Variants in PUDP observed in about 807,000 individuals in gnomAD.
PUDP encodes pseudouridine 5'-phosphatase.
Under a neutral mutation model 9.4 loss-of-function variants are expected in PUDP, and 8 were observed. That is an observed-to-expected ratio of 0.85 (90% CI 0.50 to 1.53). The LOEUF (loss-of-function observed/expected upper bound fraction) is 1.53. Among genes scored for constraint, PUDP ranks in the 40% most tolerant of loss-of-function variants. PUDP has a pLI of 0.00. For synonymous variants in PUDP, 99 were observed against 80.7 expected (o/e 1.23, Z -1.22); for missense variants, 188 against 189.7 (o/e 0.99, Z 0.05).
At chrX:6,985,035 T>G (rs1254430916) in intron 1 of PUDP, among the ~76,000 whole-genome samples, 1 of 111,812 alleles carries the variant, frequency 8.9e-6, no homozygotes. Flanking sequence ...TCAGAAATCG[T>G]TCTACAGCCC....
chrX:6,908,426 G>T (rs1440378353), intron 3 of PUDP, among the ~76,000 whole-genome samples: 1 of 112,052 alleles, frequency 8.9e-6, no homozygotes, highest in Non-Finnish European at 1.9e-5. Flanking sequence ...CTCACTGAAA[G>T]TTGTAATACT....
At chrX:6,990,561 C>T (rs1929162748) in intron 1 of PUDP, among the ~76,000 whole-genome samples, 1 of 112,405 alleles carries the variant, frequency 8.9e-6, no homozygotes, top group African/African-American at 3.2e-5. Flanking sequence ...TTTGGCTGGA[C>T]TCTTCTTCCA....
chrX:6,944,464 A>G (rs947285657), intron 3 of PUDP, among the ~76,000 whole-genome samples: 1 of 109,646 alleles, frequency 9.1e-6, no homozygotes, highest in Non-Finnish European at 1.9e-5. Flanking sequence ...GAGATACATC[A>G]GGGACCCCTC....
At chrX:6,847,881 G>A (rs899932928) in intron 3 of PUDP, among the ~76,000 whole-genome samples, 2 of 111,567 alleles carry the variant, frequency 1.8e-5, no homozygotes, top group African/African-American at 6.5e-5. Flanking sequence ...AGTAGTGATT[G>A]GGTCAAAGAA....
intron 3 of PUDP, among the ~76,000 whole-genome samples, chrX:7,056,081 G>A (rs1930234586): frequency 8.9e-6 from 1 of 111,892 alleles, no homozygotes; most frequent in Non-Finnish European, 1.9e-5. Context: ...AATTACACTT[G>A]ACCTAAAACT....
At chrX:6,876,530 A>G (rs1166613851) in intron 3 of PUDP, among the ~76,000 whole-genome samples, 1 of 110,474 alleles carries the variant, frequency 9.1e-6, no homozygotes, top group East Asian at 2.9e-4. Context: ...ACATATATAT[A>G]CACACATATA....
intron 1 of PUDP, among the ~76,000 whole-genome samples, chrX:7,144,599 A>T (rs1212253246): frequency 9.0e-6 from 1 of 110,905 alleles, no homozygotes; most frequent in Non-Finnish European, 1.9e-5. Context: ...ACAGTGAGGC[A>T]GGCACTTATA....
chrX:6,836,980 G>A (rs1402839318), intron 3 of PUDP, among the ~76,000 whole-genome samples: 1 of 112,348 alleles, frequency 8.9e-6, no homozygotes, highest in African/African-American at 3.2e-5. Flanking sequence ...TAGTGGGGTA[G>A]TATGCATTGG....
intron 1 of PUDP, among the ~76,000 whole-genome samples, chrX:7,027,453 CAT>C (rs1929726899): frequency 9.5e-6 from 1 of 105,271 alleles, no homozygotes; most frequent in African/African-American, 3.4e-5. Flanking sequence ...AGCAGGAATA[CAT>C]ATATATGTGT....
chrX:6,878,026 GA>G (rs1927291476), intron 3 of PUDP, among the ~76,000 whole-genome samples: 1 of 111,837 alleles, frequency 8.9e-6, no homozygotes, highest in Non-Finnish European at 1.9e-5. Context: ...TTCTTGCAGG[GA>G]AAAAAGACAT....
intron 3 of PUDP, among the ~76,000 whole-genome samples, chrX:6,935,167 C>A (rs1328754442): frequency 4.7e-5 from 5 of 106,333 alleles, no homozygotes; most frequent in Non-Finnish European, 9.7e-5. Context: ...CACCCCAAAT[C>A]AACAGAATAT....
At chrX:7,066,870 C>A (rs1436216677) in intron 3 of PUDP, among the ~76,000 whole-genome samples, 1 of 112,198 alleles carries the variant, frequency 8.9e-6, no homozygotes, top group Non-Finnish European at 1.9e-5. Context: ...CAATCACACA[C>A]ACATAAACAC....
intron 3 of PUDP, among the ~76,000 whole-genome samples, chrX:6,843,448 T>C (rs1244917354): frequency 9.0e-6 from 1 of 111,036 alleles, no homozygotes; most frequent in Non-Finnish European, 1.9e-5. Context: ...AAATATCCTA[T>C]AAAAAAAGAA....
At chrX:6,742,711 G>T (rs908829404) in intron 3 of PUDP, among the ~76,000 whole-genome samples, 1 of 111,834 alleles carries the variant, frequency 8.9e-6, no homozygotes, top group Non-Finnish European at 1.9e-5. Flanking sequence ...GGCGTTCAAG[G>T]CTGCAGTGAA....
chrX:7,093,274 G>A (rs780529827), intron 2 of PUDP, among the ~76,000 whole-genome samples: 1 of 111,696 alleles, frequency 9.0e-6, no homozygotes, highest in East Asian at 2.8e-4. Flanking sequence ...GCAGGGAACC[G>A]AAAGCTGATT....
At chrX:6,875,518 A>T (rs773207813) in intron 3 of PUDP, among the ~76,000 whole-genome samples, 1 of 111,628 alleles carries the variant, frequency 9.0e-6, no homozygotes, top group African/African-American at 3.3e-5. Context: ...TTAGGTCTCC[A>T]GGAAGGACTT....
chrX:6,733,173 G>T (rs1378392061), intron 3 of PUDP, among the ~76,000 whole-genome samples: 2 of 112,058 alleles, frequency 1.8e-5, no homozygotes, highest in Admixed American at 1.9e-4. Context: ...CTGGGTATGG[G>T]GAGTGGACAC....
intron 3 of PUDP, among the ~76,000 whole-genome samples, chrX:6,916,246 A>ACCCACC (rs1312940961): frequency 7.0e-5 from 5 of 71,553 alleles, no homozygotes; most frequent in African/African-American, 3.3e-4. Context: ...ACACACACAC[A>ACCCACC]CACCCTGGGG....
intron 3 of PUDP, among the ~76,000 whole-genome samples, chrX:6,794,472 G>A (rs1296110366): frequency 8.9e-6 from 1 of 112,028 alleles, no homozygotes; most frequent in African/African-American, 3.2e-5. Flanking sequence ...ATGAGTCAAT[G>A]TGAAGGCCTA....
Sources: allele counts gnomAD v4.1 joint callset (sites outside exome capture counted in the v4.1 genomes callset), GRCh38; gene constraint gnomAD v4.1.1; transcripts MANE v1.5; gene names NCBI Gene and HGNC (gene_info 2026-07-23, HGNC 2026-07-21).